KCNH8: variants seen among roughly 807,000 people sequenced by gnomAD.
The protein encoded by KCNH8 is potassium voltage-gated channel subfamily H member 8, also known as voltage-gated delayed rectifier potassium channel KCNH8.
KCNH8 carries 70 observed loss-of-function variants against 103.6 expected under a neutral mutation model. The observed-to-expected ratio is 0.68, with a 90% CI of 0.56 to 0.82. The LOEUF is 0.82. Ranked by LOEUF, KCNH8 falls within the 40% of genes least tolerant of loss-of-function variation. The pLI is 0.00. For missense variants in KCNH8, 1,217 were observed against 1,329.9 expected, an observed-to-expected ratio of 0.92 and a Z score of 1.32; for synonymous variants, 498 against 489.4, an observed-to-expected ratio of 1.02 and a Z score of -0.23.
intron 7 of KCNH8, among the ~76,000 whole-genome samples, chr3:19,401,666 A>T (rs1375359776): frequency 1.3e-5 from 2 of 151,938 alleles, no homozygotes; most frequent in Admixed American, 6.6e-5. Flanking sequence ...TAAAGACTCA[A>T]TTTTTTTATA....
intron 11 of KCNH8, among the ~76,000 whole-genome samples, chr3:19,492,272 T>C (rs575110403): frequency 6.6e-6 from 1 of 152,290 alleles, no homozygotes; most frequent in Non-Finnish European, 1.5e-5. Context: ...AGAAGAGTAC[T>C]TCCTAGGTTT....
At chr3:19,412,218 G>A (rs2066791286) in intron 7 of KCNH8, among the ~76,000 whole-genome samples, 2 of 152,026 alleles carry the variant, frequency 1.3e-5, no homozygotes, top group South Asian at 4.1e-4. Context: ...GGAAAGAGTA[G>A]AGAACCCAGA....
rs115012933 is a variant in KCNH8 at position 19,527,306 on chromosome 3, C to T, written c.2620-6089C>T. 7.9e-3 allele frequency among the ~76,000 whole-genome samples: 1,202 copies of T among 152,098 alleles called. 18 individuals carry two copies. The highest frequency in any genetic ancestry group is 0.026 in the African/African-American group (1,086 of 41,498). On this transcript the variant is annotated intron_variant, in intron 15 of 15. Coordinates refer to ENST00000328405, the MANE Select transcript of KCNH8 (RefSeq NM_144633.3). ...GGCAGAAGAATAGTTATAGAGATAA[C>T]GGTAGTTTCTATTTTCTTTAAGCTA...
At chr3:19,450,690 A>G (rs1444737315) in intron 9 of KCNH8, 1 of 291,476 alleles carries the variant, frequency 3.4e-6, no homozygotes, top group Non-Finnish European at 6.5e-6. Context: ...GGTTATCTTT[A>G]TACTTCCAGA....
chr3:19,478,644 ATTCAG>A (rs2068024311), intron 11 of KCNH8, among the ~76,000 whole-genome samples: 2 of 152,146 alleles, frequency 1.3e-5, no homozygotes, highest in Admixed American at 6.6e-5. Context: ...CTGGATCTCC[ATTCAG>A]TTTTCACATA....
At chr3:19,431,165 CTTAGT>C (rs2067115845) in intron 7 of KCNH8, among the ~76,000 whole-genome samples, 1 of 152,218 alleles carries the variant, frequency 6.6e-6, no homozygotes, top group South Asian at 2.1e-4. Flanking sequence ...TCCTTCAATA[CTTAGT>C]TTATTCAGAG....
intron 12 of KCNH8, among the ~76,000 whole-genome samples, chr3:19,511,104 C>T (rs978879697): frequency 6.6e-6 from 1 of 152,106 alleles, no homozygotes; most frequent in Non-Finnish European, 1.5e-5. Context: ...ATCAACCTGT[C>T]ACCTACATTA....
chr3:19,490,221 A>T (rs1315643790), intron 11 of KCNH8, among the ~76,000 whole-genome samples: 2 of 152,198 alleles, frequency 1.3e-5, no homozygotes, highest in Non-Finnish European at 2.9e-5. Flanking sequence ...CCTGGTCAGG[A>T]AACCACGAAA....
intron 1 of KCNH8, among the ~76,000 whole-genome samples, chr3:19,176,311 T>C (rs2063399047): frequency 2.6e-5 from 4 of 152,310 alleles, no homozygotes; most frequent in Admixed American, 2.6e-4. Flanking sequence ...TTGTCTACAT[T>C]GTGCCCTTAC....
intron 11 of KCNH8, among the ~76,000 whole-genome samples, chr3:19,460,259 G>A (rs536117158): frequency 6.6e-6 from 1 of 152,142 alleles, no homozygotes; most frequent in African/African-American, 2.4e-5. Context: ...TCAAACCATA[G>A]TATGTTTACC....
intron 7 of KCNH8, among the ~76,000 whole-genome samples, chr3:19,407,757 C>G (rs1575028679): frequency 6.6e-6 from 1 of 152,090 alleles, no homozygotes; most frequent in East Asian, 1.9e-4. Context: ...AATCTTGGTG[C>G]AGGGGTGCTG....
At chr3:19,184,268 A>T (rs543226674) in intron 1 of KCNH8, among the ~76,000 whole-genome samples, 1 of 152,104 alleles carries the variant, frequency 6.6e-6, no homozygotes, top group Admixed American at 6.5e-5. Context: ...TCTCAAAAAC[A>T]TAATTTTGAG....
intron 3 of KCNH8, among the ~76,000 whole-genome samples, chr3:19,339,885 CTA>C (rs1406361134): frequency 1.3e-5 from 2 of 151,892 alleles, no homozygotes; most frequent in African/African-American, 4.8e-5. Flanking sequence ...ACCTGTTACT[CTA>C]TGTGAAAGTC....
At chr3:19,291,627 G>A (rs1261613899) in intron 3 of KCNH8, among the ~76,000 whole-genome samples, 1 of 152,156 alleles carries the variant, frequency 6.6e-6, no homozygotes, top group African/African-American at 2.4e-5. Flanking sequence ...TATAATTTCT[G>A]TTCTTTTACA....
rs530436613 is a variant in KCNH8, at chr3:19,375,126, G to C, written c.812-15355G>C. On this transcript the variant is annotated intron_variant, in intron 5 of 15. Coordinates refer to ENST00000328405, the MANE Select transcript of KCNH8 (RefSeq NM_144633.3). ...AAGGAGTATCTTTGTGGCGTTCTCT[G>C]TATTTCCTGAATCTGAACGTTGGCC... 7.2e-4 allele frequency among the ~76,000 whole-genome samples: 109 copies of C among 151,778 alleles called. 4 individuals are homozygous for C. In the South Asian group the frequency reaches 7.5e-3, roughly 10 times the overall value.
Position 19,390,620 on chromosome 3 carries a change from T to A in KCNH8, c.951T>A (p.Tyr317Ter). The change falls in exon 6 of 16, where the codon TAT (tyrosine) becomes TAA (stop). Residue 317 changes from tyrosine to a stop codon, truncating the protein, a stop_gained. Coordinates refer to ENST00000328405, the MANE Select transcript of KCNH8 (RefSeq NM_144633.3). LOFTEE classifies it high-confidence loss of function. ...CTGCCCTGCCTTTTGATCTTCTGTA[T>A]GCTTTCAACGTCACAGTGGTGAGTA... The part of the protein sequence containing the change: ...LIAALPFDLL[Y>*]AFNVTVVSLV... 6.2e-7 allele frequency: 1 copy of A among 1,613,300 alleles called. No individual in the cohort carries two copies. Among genetic ancestry groups the A allele is most frequent in the Non-Finnish European group, 8.5e-7 (1 of 1,179,542 alleles).
intron 7 of KCNH8, among the ~76,000 whole-genome samples, chr3:19,411,066 A>C (rs1327375723): frequency 5.9e-5 from 9 of 152,074 alleles, no homozygotes; most frequent in Non-Finnish European, 4.4e-5. Context: ...TAATGAAAAA[A>C]ATCAAACTAC....
At chr3:19,247,126 C>G (rs1333680178) in intron 1 of KCNH8, among the ~76,000 whole-genome samples, 2 of 152,118 alleles carry the variant, frequency 1.3e-5, no homozygotes, top group African/African-American at 2.4e-5. Flanking sequence ...CAATATGAAG[C>G]CTGATACTGG....
At chr3:19,319,458 G>C (rs1056309555) in intron 3 of KCNH8, among the ~76,000 whole-genome samples, 1 of 151,740 alleles carries the variant, frequency 6.6e-6, no homozygotes, top group Non-Finnish European at 1.5e-5. Flanking sequence ...TTGTTTTGTT[G>C]AAGATCAGTT....
Sources: allele counts gnomAD v4.1 joint callset (sites outside exome capture counted in the v4.1 genomes callset), GRCh38; gene constraint gnomAD v4.1.1; transcripts MANE v1.5; gene names NCBI Gene and HGNC (gene_info 2026-07-23, HGNC 2026-07-21).